The following ADAMTS16 variants were observed in gnomAD, a reference collection of about 807,000 sequenced individuals.
ADAMTS16 encodes ADAM metallopeptidase with thrombospondin type 1 motif 16.
In ADAMTS16, 94 loss-of-function variants were observed where a neutral mutation model predicts 145.8. The ratio of observed to expected loss-of-function variants is 0.64; its 90% confidence interval spans 0.55 to 0.77. The LOEUF (loss-of-function observed/expected upper bound fraction) is 0.77, where lower values mean the gene tolerates loss of function less well. ADAMTS16 is among the 30% of genes least tolerant of loss of function. The pLI, the probability that ADAMTS16 is intolerant of heterozygous loss-of-function variation, is 0.00. For synonymous variants in ADAMTS16, 659 were observed against 604.3 expected (o/e 1.09, Z -1.33); for missense variants, 1,585 against 1,591.5 (o/e 1.00, Z 0.07).
intron 16 of ADAMTS16, among the ~76,000 whole-genome samples, 187 bp downstream of exon 16, chr5:5,240,112 T>C (rs535688600): frequency 5.9e-5 from 9 of 152,210 alleles, no homozygotes; most frequent in African/African-American, 2.2e-4. Context: ...TATGATTACG[T>C]TTGTATTTAA....
chr5:5,152,070 G>T (rs1263187740), intron 3 of ADAMTS16, among the ~76,000 whole-genome samples: 3 of 152,178 alleles, frequency 2.0e-5, no homozygotes, highest in Admixed American at 2.0e-4. Context: ...TGTCATAAAT[G>T]GTTCTTCCTA....
At chr5:5,220,622 G>A (rs545235633) in intron 10 of ADAMTS16, among the ~76,000 whole-genome samples, 6 of 152,196 alleles carry the variant, frequency 3.9e-5, no homozygotes, top group East Asian at 1.9e-4. Context: ...GCCCTTAAGC[G>A]AGAAAGGAAA....
At position 5,239,849 on chromosome 5, in the gene ADAMTS16, T is replaced by C; in HGVS notation, c.2447T>C (p.Phe816Ser). 1 of 1,614,132 alleles carries C rather than the reference T, an allele frequency of 6.2e-7. No homozygotes were observed. Residue 816 changes from phenylalanine to serine, a missense_variant, in exon 16 of 23, where the codon TTC becomes TCC. Physicochemically the swap from Phe to Ser is radical, Grantham distance 155 (BLOSUM62 -2). Coordinates refer to ENST00000274181, the MANE Select transcript of ADAMTS16 (RefSeq NM_139056.4). ...CGGTACAAATTTTCGGGCACTACTT[T>C]CGACTACAGACGGTCCTATAATGAG... The part of the protein sequence containing the change: ...PGRYKFSGTT[F>S]DYRRSYNEPE...
intron 18 of ADAMTS16, among the ~76,000 whole-genome samples, chr5:5,276,902 G>A (rs1056498355): frequency 2.0e-5 from 3 of 151,926 alleles, no homozygotes. Flanking sequence ...CATTAACCCT[G>A]TGTTTATTAA....
At chr5:5,315,450 C>CAAAA (rs34004364) in intron 21 of ADAMTS16, among the ~76,000 whole-genome samples, 3 of 147,350 alleles carry the variant, frequency 2.0e-5, no homozygotes, top group Admixed American at 6.8e-5. Flanking sequence ...TTAAATGATA[C>CAAAA]AAAAAAAAAA....
At chr5:5,271,443 C>T (rs1226045318) in intron 18 of ADAMTS16, among the ~76,000 whole-genome samples, 2 of 152,278 alleles carry the variant, frequency 1.3e-5, no homozygotes, top group Admixed American at 6.5e-5. Context: ...CCTCCCTGCG[C>T]GGGCACTGCC....
chr5:5,199,225 T>C (rs1348967789), intron 8 of ADAMTS16, among the ~76,000 whole-genome samples: 1 of 152,084 alleles, frequency 6.6e-6, no homozygotes, highest in Admixed American at 6.5e-5. Flanking sequence ...CCCTGGAAAA[T>C]GTGATTCTCA....
chr5:5,235,880 T>G (rs1737092504), intron 13 of ADAMTS16, among the ~76,000 whole-genome samples: 1 of 152,184 alleles, frequency 6.6e-6, no homozygotes, highest in Non-Finnish European at 1.5e-5. Context: ...CATCTGACAT[T>G]CCCATTCATC....
intron 3 of ADAMTS16, among the ~76,000 whole-genome samples, chr5:5,160,791 A>T (rs1490973553): frequency 1.3e-5 from 2 of 149,928 alleles, no homozygotes; most frequent in Non-Finnish European, 3.0e-5. Flanking sequence ...ACTTGACCTC[A>T]GGCCTAAGTT....
In ADAMTS16 at chr5:5,320,062, T is replaced by C. The variant is rs1341405216; in HGVS notation, c.*924T>C. 3 of 365,388 alleles carry C rather than the reference T, an allele frequency of 8.2e-6. No individual in the cohort carries two copies. The allele number at this position is 365,388 out of a possible 1,614,324, so 22.6% of individuals were successfully genotyped here. ...ATAACCTTAGAGTCCTGTGTTTTGT[T>C]TTTGTGTGTTGTGAGATTTTAATCT... is the stretch of plus-strand genomic sequence containing the variant. On this transcript the variant is annotated 3_prime_UTR_variant, in exon 23 of 23. Coordinates refer to ENST00000274181, the MANE Select transcript of ADAMTS16 (RefSeq NM_139056.4). The surrounding 1 kb of genome is among the most constrained non-coding windows in gnomAD (Gnocchi z 5.1).
chr5:5,272,954 A>G (rs1480612924), intron 18 of ADAMTS16, among the ~76,000 whole-genome samples: 1 of 152,086 alleles, frequency 6.6e-6, no homozygotes, highest in Non-Finnish European at 1.5e-5. Context: ...AGCCAGTTTT[A>G]CTCAACTTTG....
In ADAMTS16 at chr5:5,242,196, G is replaced by C; in HGVS notation, c.2662+5G>C. On this transcript the variant is annotated splice_donor_5th_base_variant and intron_variant, in intron 17 of 22. Coordinates refer to ENST00000274181, the MANE Select transcript of ADAMTS16 (RefSeq NM_139056.4). ...GCTCCGTGTCCTGCGGAGGGGGTAG[G>C]TGCCTTCCAGTGCTGCTCCTGGAGG... 12 of 1,613,088 alleles carry C rather than the reference G, an allele frequency of 7.4e-6. No individual in the cohort carries two copies. The highest frequency in any genetic ancestry group is 1.0e-5 in the Non-Finnish European group (12 of 1,179,748).
intron 8 of ADAMTS16, among the ~76,000 whole-genome samples, chr5:5,199,244 C>T (rs1252930230): frequency 8.5e-5 from 13 of 152,128 alleles, no homozygotes; most frequent in South Asian, 8.3e-4. Flanking sequence ...CACAGGTGCA[C>T]GGCTCCATTT....
chr5:5,308,949 C>CAAAAAAAAAAAAAAAAA (rs56068510), intron 21 of ADAMTS16, among the ~76,000 whole-genome samples: 1 of 87,182 alleles, frequency 1.1e-5, no homozygotes, highest in Non-Finnish European at 2.3e-5. Flanking sequence ...GACTCCGTCT[C>CAAAAAAAAAAAAAAAAA]AAAAAAAAAA....
At chr5:5,261,435 G>C (rs2126429423) in intron 17 of ADAMTS16, among the ~76,000 whole-genome samples, 1 of 151,892 alleles carries the variant, frequency 6.6e-6, no homozygotes, top group Non-Finnish European at 1.5e-5. Flanking sequence ...ACCATGCCTG[G>C]CCCTGCATTC....
chr5:5,183,584 G>T (rs892747834), intron 4 of ADAMTS16, among the ~76,000 whole-genome samples: 1 of 152,194 alleles, frequency 6.6e-6, no homozygotes, highest in African/African-American at 2.4e-5. Context: ...TTAAGCAGAC[G>T]CCACAGTGGA....
intron 17 of ADAMTS16, among the ~76,000 whole-genome samples, chr5:5,249,049 G>A (rs1039952597): frequency 1.6e-4 from 24 of 152,186 alleles, no homozygotes; most frequent in Admixed American, 1.4e-3. Flanking sequence ...AACCAGAGAG[G>A]TGTCTTCCAG....
Position 5,237,225 on chromosome 5 carries a change from G to C in ADAMTS16, c.2154+126G>C, listed in dbSNP as rs138829851. The C allele has an allele frequency of 1.8e-3, 1,773 of 974,000 alleles. 27 individuals are homozygous for C. In the African/African-American group the frequency reaches 0.026, roughly 14 times the overall value. 60.3% of individuals were successfully genotyped at this position (974,000 alleles called of 1,614,324 possible). A position where few individuals can be genotyped will look rare whatever the true frequency, so the allele number is the denominator to read the frequency against. On this transcript the variant is annotated intron_variant, in intron 14 of 22. Transcript: ENST00000274181. The stretch of plus-strand genomic sequence containing the variant: ...CTTTCCCTCTAAGTTGCAGCCCAGT[G>C]GGGAGAAAGCCAGAAGAACACATTG...
intron 10 of ADAMTS16, among the ~76,000 whole-genome samples, chr5:5,212,334 A>T (rs187508133): frequency 6.6e-6 from 1 of 151,920 alleles, no homozygotes; most frequent in African/African-American, 2.4e-5. Flanking sequence ...CAGCCTCCGG[A>T]GTAGCTGGGA....
Sources: allele counts gnomAD v4.1 joint callset (sites outside exome capture counted in the v4.1 genomes callset), GRCh38; gene constraint gnomAD v4.1.1; non-coding constraint Gnocchi (gnomAD v3.1); transcripts MANE v1.5; gene names NCBI Gene and HGNC (gene_info 2026-07-23, HGNC 2026-07-21).